The following BCAS1 variants were observed in gnomAD, a reference collection of about 807,000 sequenced individuals.
The protein encoded by BCAS1 is brain enriched myelin associated protein 1.
A neutral mutation model predicts 65.4 loss-of-function variants in BCAS1; 46 were observed. The ratio of observed to expected loss-of-function variants is 0.70; its 90% CI spans 0.55 to 0.90. The LOEUF (loss-of-function observed/expected upper bound fraction) is 0.90, where lower values mean the gene tolerates loss of function less well. BCAS1 is among the 40% of genes least tolerant of loss of function. The pLI is 0.00. For synonymous variants in BCAS1, 298 were observed against 293.5 expected (o/e 1.02, Z -0.16); for missense variants, 793 against 771.2 (o/e 1.03, Z -0.33).
chr20:53,966,010 C>T (rs1192874190), intron 10 of BCAS1, among the ~76,000 whole-genome samples: 2 of 152,154 alleles, frequency 1.3e-5, no homozygotes, highest in Non-Finnish European at 2.9e-5. Context: ...GAAAACGGAA[C>T]ACTTTTACAC....
intron 4 of BCAS1, among the ~76,000 whole-genome samples, chr20:54,025,571 G>T (rs1261598547): frequency 6.6e-6 from 1 of 152,152 alleles, no homozygotes; most frequent in African/African-American, 2.4e-5. Context: ...ATGAAATGGT[G>T]GCATCTTTCT....
At chr20:54,003,955 A>G (rs1422907964) in intron 4 of BCAS1, among the ~76,000 whole-genome samples, 1 of 152,230 alleles carries the variant, frequency 6.6e-6, no homozygotes, top group Non-Finnish European at 1.5e-5. Context: ...TGCAAATTCT[A>G]TTTATAGCAG....
At chr20:54,008,571 T>C (rs936710557) in intron 4 of BCAS1, among the ~76,000 whole-genome samples, 2 of 152,186 alleles carry the variant, frequency 1.3e-5, no homozygotes, top group African/African-American at 4.8e-5. Flanking sequence ...TGCCTCCACC[T>C]GACAGTAATG....
At chr20:54,034,948 T>C (rs918596399) in intron 3 of BCAS1, among the ~76,000 whole-genome samples, 2 of 151,030 alleles carry the variant, frequency 1.3e-5, no homozygotes, top group African/African-American at 2.4e-5. Context: ...CATAGACCAA[T>C]GGAACAGAAT....
chr20:54,068,472 C>G (rs1326990805), intron 1 of BCAS1: 1 of 154,262 alleles, frequency 6.5e-6, no homozygotes, highest in African/African-American at 2.4e-5. Flanking sequence ...GAGCGCCTCC[C>G]TGCATTTTAT....
intron 4 of BCAS1, among the ~76,000 whole-genome samples, chr20:54,007,728 T>C (rs898602093): frequency 2.6e-5 from 4 of 152,216 alleles, no homozygotes; most frequent in Admixed American, 1.3e-4. Flanking sequence ...ATATTTTTTT[T>C]TTCTTCTTAG....
At chr20:54,008,938 T>C (rs2145942572) in intron 4 of BCAS1, among the ~76,000 whole-genome samples, 1 of 152,180 alleles carries the variant, frequency 6.6e-6, no homozygotes, top group Admixed American at 6.5e-5. Context: ...CTCAGCCTCC[T>C]GAGCAACTGG....
At chr20:54,047,150 T>C (rs187589565) in intron 3 of BCAS1, among the ~76,000 whole-genome samples, 1 of 152,226 alleles carries the variant, frequency 6.6e-6, no homozygotes, top group African/African-American at 2.4e-5. Context: ...GGCTTCTTCA[T>C]GTGACTAGCT....
intron 4 of BCAS1, among the ~76,000 whole-genome samples, chr20:54,008,994 A>G (rs948288685): frequency 2.0e-5 from 3 of 152,074 alleles, no homozygotes; most frequent in African/African-American, 7.2e-5. Flanking sequence ...TTGCATTTTT[A>G]GTAGAGATGG....
chr20:53,953,669 G>A lies in BCAS1; in HGVS notation c.1578C>T (p.Ile526=). The A allele has an allele frequency of 2.5e-6, 4 of 1,613,836 alleles. No homozygotes were observed. Among genetic ancestry groups the A allele is most frequent in the Non-Finnish European group, 3.4e-6 (4 of 1,179,964 alleles). The change falls in exon 12 of 13, where the codon ATC becomes ATT. Residue 526 remains isoleucine, a synonymous_variant. Transcript: ENST00000688948. ...CTGTTGGTTCAGGCTCTGGCGGTGT[G>A]ATAGTCTTTTCTGTGGAGTCTGATG... ...CQTSDSTEKT[I]TPPEPEPTGA...
rs1568896668 is a variant in BCAS1, at chr20:54,028,942, T to C, written c.173A>G (p.Asn58Ser). Residue 58 changes from asparagine (N) to serine (S), a missense_variant, in exon 4 of 13, where the codon AAT (asparagine) becomes AGT (serine). Physicochemically the swap from Asn to Ser is conservative, Grantham distance 46. Transcript: ENST00000688948. ...VDLGISVKTDNVATSSPETTE... is the reference protein window; with the variant it reads ...VDLGISVKTDSVATSSPETTE... Reference sequence around the variant, plus strand: ...TGTCTCGGGGGAAGAAGTGGCCACATTATCCGTCTTGACACTTATTCCCAA... The same window carrying C: ...TGTCTCGGGGGAAGAAGTGGCCACACTATCCGTCTTGACACTTATTCCCAA... 1.9e-6 allele frequency: 3 copies of C among 1,613,224 alleles called. No individual in the cohort carries two copies. The highest frequency in any genetic ancestry group is 2.5e-6 in the Non-Finnish European group (3 of 1,179,808).
intron 1 of BCAS1, among the ~76,000 whole-genome samples, chr20:54,059,015 A>C (rs1052021806): frequency 3.3e-5 from 5 of 152,204 alleles, no homozygotes; most frequent in Middle Eastern, 3.2e-3. Flanking sequence ...CACCAGAAGA[A>C]TGAGTGCGAG....
At chr20:54,036,201 C>G (rs146378050) in intron 3 of BCAS1, among the ~76,000 whole-genome samples, 2 of 151,064 alleles carry the variant, frequency 1.3e-5, no homozygotes, top group East Asian at 3.9e-4. Flanking sequence ...ACCTATATAA[C>G]AAACCTGCCC....
At chr20:54,018,922 T>A in intron 4 of BCAS1, among the ~76,000 whole-genome samples, 1 of 152,194 alleles carries the variant, frequency 6.6e-6, no homozygotes, top group Admixed American at 6.5e-5. Context: ...ACTCACATTC[T>A]GTCTGGAAAT....
At chr20:53,979,958 C>G (rs576880885) in intron 8 of BCAS1, among the ~76,000 whole-genome samples, 5 of 152,200 alleles carry the variant, frequency 3.3e-5, no homozygotes, top group African/African-American at 1.2e-4. Context: ...GTTCTTAAGT[C>G]TGCTTGGGCC....
At chr20:54,064,740 C>T (rs1311945517) in intron 1 of BCAS1, among the ~76,000 whole-genome samples, 2 of 152,224 alleles carry the variant, frequency 1.3e-5, no homozygotes, top group Non-Finnish European at 2.9e-5. Flanking sequence ...TTGGGCAAAG[C>T]ACTTGACCCT....
rs1237598293 is a variant in BCAS1 at position 53,992,631 on chromosome 20, T to C, written c.943A>G (p.Ser315Gly). 1.5e-6 allele frequency: 2 copies of C among 1,366,102 alleles called. No individual in the cohort carries two copies. The highest frequency in any genetic ancestry group is 1.5e-5 in the African/African-American group (1 of 67,716). 84.6% of individuals were successfully genotyped at this position (1,366,102 alleles called of 1,614,324 possible). A position where few individuals can be genotyped will look rare whatever the true frequency, so the allele number is the denominator to read the frequency against. The change falls in exon 7 of 13, where the codon AGT becomes GGT. Residue 315 changes from serine (S) to glycine (G), a missense_variant. Transcript: ENST00000688948. The stretch of plus-strand genomic sequence containing the variant: ...TGACCAGCTTGTCCATCACAGACAC[T>C]TTCTGCTTTCGATGCCTTTGGGGCA... ...DPEDTASKAE[S>G]VCDGQAGQKT... is the part of the protein sequence containing the mutation.
chr20:53,992,292 C>A (rs1451081169), intron 7 of BCAS1, among the ~76,000 whole-genome samples: 1 of 152,150 alleles, frequency 6.6e-6, no homozygotes, highest in East Asian at 1.9e-4. Context: ...AGTTCCAGAA[C>A]CCTGGTCCGC....
chr20:53,974,392 C>T (rs757162398), intron 9 of BCAS1, among the ~76,000 whole-genome samples: 9 of 152,178 alleles, frequency 5.9e-5, no homozygotes, highest in East Asian at 5.8e-4. Flanking sequence ...AAGAACCCAC[C>T]GGAAGGAACC....
Sources: gnomAD v4.1 joint callset for allele counts (sites outside exome capture counted in the v4.1 genomes callset) on GRCh38, gnomAD v4.1.1 for gene constraint, MANE v1.5 for transcripts, NCBI Gene and HGNC (gene_info 2026-07-23, HGNC 2026-07-21) for gene names.